Variants in THBS4 observed in about 807,000 individuals in gnomAD.
THBS4 encodes thrombospondin 4, also known as thrombospondin-4.
A neutral mutation model predicts 115.7 loss-of-function variants in THBS4; 90 were observed. The ratio of observed to expected loss-of-function variants is 0.78; its 90% confidence interval spans 0.66 to 0.93. The LOEUF (loss-of-function observed/expected upper bound fraction) is 0.93. THBS4 is among the 40% of genes least tolerant of loss of function. The pLI, the probability that THBS4 is intolerant of heterozygous loss-of-function variation, is 0.00. For missense variants in THBS4, 1,087 were observed against 1,232.7 expected, an observed-to-expected ratio of 0.88 and a Z score of 1.77; for synonymous variants, 460 against 479.3, an observed-to-expected ratio of 0.96 and a Z score of 0.53.
Position 80,046,488 on chromosome 5 carries a change from G to T in THBS4, c.292+6208G>T, listed in dbSNP as rs1301663289. Among the ~76,000 whole-genome samples the T allele has an allele frequency of 5.9e-5, 9 of 152,200 alleles. 1 individual carries two copies. The highest frequency in any genetic ancestry group is 1.3e-4 in the Non-Finnish European group (9 of 68,036). On this transcript the variant is annotated intron_variant, in intron 2 of 21. Transcript: ENST00000350881. ...GAAAACCACAGGCTACTGAAATTTA[G>T]GACAGAGCTCCAGAGGGTTATATGA...
intron 2 of THBS4, among the ~76,000 whole-genome samples, chr5:80,055,166 A>G (rs1330774104): frequency 6.6e-6 from 1 of 152,058 alleles, no homozygotes; most frequent in Non-Finnish European, 1.5e-5. Context: ...TACAAAAAAT[A>G]TATAAATTAG....
intron 2 of THBS4, among the ~76,000 whole-genome samples, chr5:80,010,823 A>G (rs1287278171): frequency 6.6e-6 from 1 of 152,258 alleles, no homozygotes; most frequent in Non-Finnish European, 1.5e-5. Flanking sequence ...ATTGGCTGCA[A>G]GCCATTCCAG....
chr5:80,036,554 C>A (rs17882223), intron 1 of THBS4, among the ~76,000 whole-genome samples: 1,907 of 152,192 alleles, frequency 0.013, 45 homozygotes, highest in African/African-American at 0.044. Context: ...TTCTATGAAA[C>A]GGTAAAAATT....
chr5:80,066,789 G>C (rs16877468), intron 9 of THBS4: 13,310 of 152,092 alleles, frequency 0.088, 765 homozygotes, highest in East Asian at 0.22. Flanking sequence ...TTGGTGTAAA[G>C]GTAATAACTG....
chr5:80,064,967 G>T (rs1269630497), intron 8 of THBS4, among the ~76,000 whole-genome samples: 1 of 151,926 alleles, frequency 6.6e-6, no homozygotes, highest in African/African-American at 2.4e-5. Flanking sequence ...GGAGTCAAAA[G>T]AAGATATTAA....
intron 8 of THBS4, among the ~76,000 whole-genome samples, chr5:80,064,986 T>A (rs982682915): frequency 6.6e-6 from 1 of 151,830 alleles, no homozygotes; most frequent in Admixed American, 6.6e-5. Context: ...AACAAGAAAG[T>A]TCGATATTCA....
chr5:80,021,967 A>G (rs1250543981), intron 2 of THBS4, among the ~76,000 whole-genome samples: 1 of 152,078 alleles, frequency 6.6e-6, no homozygotes, highest in Non-Finnish European at 1.5e-5. Flanking sequence ...GGAGAGGCAA[A>G]TTTCTTGTTC....
chr5:80,061,694 G>A lies in THBS4; in HGVS notation c.988-1G>A. 6.2e-7 allele frequency: 1 copy of A among 1,610,062 alleles called. No homozygotes were observed. Among genetic ancestry groups the A allele is most frequent in the Non-Finnish European group, 8.5e-7 (1 of 1,178,122 alleles). On this transcript the variant is annotated splice_acceptor_variant, in intron 7 of 21. Transcript: ENST00000350881. LOFTEE classifies it high-confidence loss of function. ...AAGACTTTGAACTTTTTTGTCTCCAGTGCAAATACCATCCCTGCTACCCGG... is the reference window on the plus strand; with the variant it reads ...AAGACTTTGAACTTTTTTGTCTCCAATGCAAATACCATCCCTGCTACCCGG...
chr5:80,077,006 A>G lies in THBS4; in HGVS notation c.2044A>G (p.Asn682Asp). 6.2e-7 allele frequency: 1 copy of G among 1,612,486 alleles called. No individual in the cohort carries two copies. Reference sequence around the variant, plus strand: ...AGACCTGGTGCCCCCTGGACCAGACAACTGCCGGCTGGTCCCCAACCCAGC... The same window carrying G: ...AGACCTGGTGCCCCCTGGACCAGACGACTGCCGGCTGGTCCCCAACCCAGC... The part of the protein sequence containing the change: ...IPDLVPPGPD[N>D]CRLVPNPAQE... Residue 682 changes from asparagine to aspartate, a missense_variant, in exon 16 of 22, where the codon AAC (asparagine) becomes GAC (aspartate). Asn to Asp is a conservative substitution (Grantham distance 23). This residue lies in a region of THBS4 where 979 missense variants were observed against 1,103.7 expected (regional missense o/e 0.89). Coordinates refer to ENST00000350881, the MANE Select transcript of THBS4 (RefSeq NM_003248.6).
chr5:80,004,062 A>C (rs1322971065), intron 2 of THBS4, among the ~76,000 whole-genome samples: 1 of 152,212 alleles, frequency 6.6e-6, no homozygotes, highest in Non-Finnish European at 1.5e-5. Flanking sequence ...ACTAAGCGTT[A>C]CAGCCAAAAG....
chr5:80,035,958 T>C lies in THBS4; in HGVS notation c.88+333T>C. ...TGTTAGGCTCTGGTGTAGGGTGAAT[T>C]CCGGGTCCTGCACCCTGTGCCGGTT... is the stretch of plus-strand genomic sequence containing the variant. On this transcript the variant is annotated intron_variant, in intron 1 of 21. Transcript: ENST00000350881. The surrounding 1 kb of genome is among the most constrained non-coding windows in gnomAD (Gnocchi z 4.6). 9.6e-7 allele frequency: 1 copy of C among 1,042,276 alleles called. No homozygotes were observed. Among genetic ancestry groups the C allele is most frequent in the Non-Finnish European group, 1.2e-6 (1 of 865,750 alleles). The allele number at this position is 1,042,276 out of a possible 1,614,324, so 64.6% of individuals were successfully genotyped here. A position where few individuals can be genotyped will look rare whatever the true frequency, so the allele number is the denominator to read the frequency against.
intron 2 of THBS4, among the ~76,000 whole-genome samples, chr5:80,014,279 T>C (rs936059886): frequency 6.6e-6 from 1 of 152,176 alleles, no homozygotes; most frequent in Non-Finnish European, 1.5e-5. Flanking sequence ...ACTCAATGGA[T>C]GTAACGGTGG....
At chr5:80,043,434 G>A (rs1049038174) in intron 2 of THBS4, among the ~76,000 whole-genome samples, 8 of 152,188 alleles carry the variant, frequency 5.3e-5, no homozygotes, top group African/African-American at 1.9e-4. Context: ...CCTGGACATG[G>A]TAGGCTCCAG....
chr5:80,067,740 C>T lies in THBS4; in HGVS notation c.1195-233C>T, dbSNP rs1034841639. The T allele has an allele frequency of 2.6e-5, 12 of 467,592 alleles. No individual in the cohort carries two copies. In the Admixed American group the frequency reaches 3.3e-4, roughly 13 times the overall value. The allele number at this position is 467,592 out of a possible 1,614,324, so 29.0% of individuals were successfully genotyped here. On this transcript the variant is annotated intron_variant, in intron 9 of 21. Transcript: ENST00000350881. ...ATTGGTTCACAGTCCAGCCTTCTTC[C>T]TTCACTTCTATTCCTTCTTTGTCTG... is the stretch of plus-strand genomic sequence containing the variant.
rs375901854 is a variant in THBS4, at chr5:80,068,175, C to T, written c.1347+50C>T. On this transcript the variant is annotated intron_variant, in intron 10 of 21. Coordinates refer to ENST00000350881, the MANE Select transcript of THBS4 (RefSeq NM_003248.6). ...ATCATTTTTCCTCTTCCATTTTTAA[C>T]ACCACCTCTCTCCAGTTTCTATGTG... 7 of 1,601,600 alleles carry T rather than the reference C, an allele frequency of 4.4e-6. No individual in the cohort carries two copies. The African/African-American group carries it at 9.4e-5, about 21-fold the overall frequency.
chr5:80,045,087 A>G (rs1833019998), intron 2 of THBS4, among the ~76,000 whole-genome samples: 1 of 152,218 alleles, frequency 6.6e-6, no homozygotes, highest in Non-Finnish European at 1.5e-5. Context: ...ATAAGGTATA[A>G]TAACTTTCTT....
At chr5:80,019,977 C>G (rs1004945055) in intron 2 of THBS4, 1 of 153,424 alleles carries the variant, frequency 6.5e-6, no homozygotes, top group Admixed American at 6.5e-5. Context: ...TAATGACTTG[C>G]CCTTCTGTCA....
At position 80,078,892 on chromosome 5, in the gene THBS4, G is replaced by C. The variant is rs368977052; in HGVS notation, c.2266-29G>C. ...AAGGTTACTTGGCCCCTTCAAGACTGTTCTGAACTCCCTCAACTCTCTCTG... is the reference window on the plus strand; with the variant it reads ...AAGGTTACTTGGCCCCTTCAAGACTCTTCTGAACTCCCTCAACTCTCTCTG... On this transcript the variant is annotated intron_variant, in intron 17 of 21. Transcript: ENST00000350881. The C allele has an allele frequency of 2.4e-5, 39 of 1,611,526 alleles. No individual in the cohort carries two copies. The African/African-American group carries it at 4.5e-4, about 19-fold the overall frequency.
At chr5:80,001,708 G>A (rs942631704) in intron 2 of THBS4, among the ~76,000 whole-genome samples, 4 of 152,122 alleles carry the variant, frequency 2.6e-5, no homozygotes, top group African/African-American at 4.8e-5. Flanking sequence ...TGAGAACTAC[G>A]TATAATTCAA....
Sources: allele counts gnomAD v4.1 joint callset (sites outside exome capture counted in the v4.1 genomes callset), GRCh38; gene constraint gnomAD v4.1.1; regional missense constraint gnomAD v4.1.1; non-coding constraint Gnocchi (gnomAD v3.1); transcripts MANE v1.5; gene names NCBI Gene and HGNC (gene_info 2026-07-23, HGNC 2026-07-21).